The following C10orf90 variants were observed in gnomAD, a reference collection of about 807,000 sequenced individuals.
C10orf90 encodes chromosome 10 open reading frame 90.
In C10orf90, 56 loss-of-function variants were observed where a neutral mutation model predicts 62.5. The observed-to-expected ratio is 0.90, with a 90% CI of 0.72 to 1.12. The LOEUF (loss-of-function observed/expected upper bound fraction) is 1.12, where lower values mean the gene tolerates loss of function less well. Ranked by LOEUF, C10orf90 falls within the 50% of genes most tolerant of loss-of-function variation. C10orf90 has a pLI of 0.00. For synonymous variants in C10orf90, 386 were observed against 340.4 expected (o/e 1.13, Z -1.47); for missense variants, 970 against 880.4 (o/e 1.10, Z -1.29).
At chr10:126,554,270 C>G (rs1864708200) in intron 2 of C10orf90, among the ~76,000 whole-genome samples, 1 of 152,126 alleles carries the variant, frequency 6.6e-6, no homozygotes, top group Non-Finnish European at 1.5e-5. Context: ...AGCCAGACCC[C>G]AGAGCATATA....
chr10:126,472,371 C>T (rs1055674409), intron 4 of C10orf90, among the ~76,000 whole-genome samples: 4 of 152,160 alleles, frequency 2.6e-5, no homozygotes, highest in South Asian at 2.1e-4. Flanking sequence ...CTGGGAGCTA[C>T]GACATATTTC....
At chr10:126,471,456 T>A (rs893214596) in intron 4 of C10orf90, among the ~76,000 whole-genome samples, 2 of 152,200 alleles carry the variant, frequency 1.3e-5, no homozygotes, top group African/African-American at 2.4e-5. Flanking sequence ...TCAGACTGAC[T>A]TGTAAACTGT....
intron 5 of C10orf90, chr10:126,463,431 C>T (rs182827081): frequency 1.3e-5 from 2 of 152,378 alleles, no homozygotes; most frequent in Admixed American, 1.3e-4. Context: ...TATGTCTCTT[C>T]CTCTTCAAAG....
chr10:126,492,996 A>T (rs1180713678), intron 4 of C10orf90, among the ~76,000 whole-genome samples: 2 of 152,206 alleles, frequency 1.3e-5, no homozygotes, highest in African/African-American at 4.8e-5. Flanking sequence ...CTATTTAATA[A>T]GGTTTTTAAA....
intron 3 of C10orf90, 106 bp from the exon 4 acceptor site, chr10:126,505,191 C>T: frequency 8.5e-7 from 1 of 1,180,760 alleles, no homozygotes; most frequent in South Asian, 1.6e-5. Context: ...GTTCATAACA[C>T]TCAGATGTCT....
chr10:126,576,066 A>C (rs1844605170), intron 2 of C10orf90, among the ~76,000 whole-genome samples: 1 of 152,110 alleles, frequency 6.6e-6, no homozygotes, highest in Non-Finnish European at 1.5e-5. Flanking sequence ...GCAAAAATCA[A>C]TAAATGGGAT....
chr10:126,638,768 A>G (rs1391964638), intron 2 of C10orf90, among the ~76,000 whole-genome samples: 1 of 152,114 alleles, frequency 6.6e-6, no homozygotes, highest in Non-Finnish European at 1.5e-5. Flanking sequence ...TTTTTACTAC[A>G]AAGCCTGCCT....
At chr10:126,580,693 C>G (rs1406957868) in intron 2 of C10orf90, among the ~76,000 whole-genome samples, 1 of 151,546 alleles carries the variant, frequency 6.6e-6, no homozygotes, top group African/African-American at 2.4e-5. Flanking sequence ...TGCTTATCCT[C>G]TCCTTCTCCA....
At chr10:126,549,067 C>T (rs1360729256) in intron 2 of C10orf90, among the ~76,000 whole-genome samples, 1 of 151,900 alleles carries the variant, frequency 6.6e-6, no homozygotes, top group African/African-American at 2.4e-5. Flanking sequence ...TATAGAAGAA[C>T]GATTAAAGGA....
chr10:126,610,754 T>C (rs1383489267), intron 2 of C10orf90, among the ~76,000 whole-genome samples: 1 of 152,198 alleles, frequency 6.6e-6, no homozygotes, highest in Admixed American at 6.5e-5. Context: ...TATTTTTATC[T>C]ATAGCTATCA....
At chr10:126,488,654 TCAGGAATAGATTAG>T (rs1861562151) in intron 4 of C10orf90, among the ~76,000 whole-genome samples, 1 of 151,958 alleles carries the variant, frequency 6.6e-6, no homozygotes, top group Non-Finnish European at 1.5e-5. Flanking sequence ...ACTATCATTA[TCAGGAATAGATTAG>T]AGGACATCAC....
At chr10:126,574,748 C>G (rs1387197918) in intron 2 of C10orf90, among the ~76,000 whole-genome samples, 3 of 151,970 alleles carry the variant, frequency 2.0e-5, no homozygotes, top group African/African-American at 4.8e-5. Flanking sequence ...AAAATAAAGT[C>G]TTAGTAAACT....
chr10:126,446,563 G>A (rs1449084999), intron 7 of C10orf90, among the ~76,000 whole-genome samples: 2 of 151,918 alleles, frequency 1.3e-5, no homozygotes, highest in Admixed American at 6.6e-5. Flanking sequence ...GAGAGATAAA[G>A]GCTTTGTCAA....
At chr10:126,607,959 A>G (rs2576015) in intron 2 of C10orf90, among the ~76,000 whole-genome samples, 150,130 of 152,314 alleles carry the variant, frequency 0.99, 74,036 homozygotes, top group Middle Eastern at 1. Flanking sequence ...ATAGAAAGTC[A>G]AATGGTGGTT....
chr10:126,629,835 A>C (rs1267819999), intron 2 of C10orf90, among the ~76,000 whole-genome samples: 1 of 146,344 alleles, frequency 6.8e-6, no homozygotes, highest in African/African-American at 2.5e-5. Flanking sequence ...GGGACAGGCC[A>C]GGCAGAGCAG....
At chr10:126,542,011 A>G (rs140635605) in intron 2 of C10orf90, among the ~76,000 whole-genome samples, 5 of 152,376 alleles carry the variant, frequency 3.3e-5, no homozygotes, top group Non-Finnish European at 7.3e-5. Flanking sequence ...GCCGTGACAC[A>G]TGCTATTACA....
intron 2 of C10orf90, among the ~76,000 whole-genome samples, chr10:126,581,237 C>T (rs1844745318): frequency 6.6e-6 from 1 of 152,148 alleles, no homozygotes; most frequent in African/African-American, 2.4e-5. Flanking sequence ...ATTTTGTTCC[C>T]AAAAGCTCAA....
chr10:126,599,791 A>C (rs759117698), intron 2 of C10orf90, among the ~76,000 whole-genome samples: 1 of 152,210 alleles, frequency 6.6e-6, no homozygotes, highest in Non-Finnish European at 1.5e-5. Flanking sequence ...CTTCATTAAA[A>C]AGAGGAAAGA....
intron 7 of C10orf90, among the ~76,000 whole-genome samples, chr10:126,447,369 A>T (rs1858853654): frequency 6.6e-6 from 1 of 152,194 alleles, no homozygotes; most frequent in African/African-American, 2.4e-5. Flanking sequence ...GAAAACCTAA[A>T]GAGAGCAGAG....
Sources: gnomAD v4.1 joint callset for allele counts (sites outside exome capture counted in the v4.1 genomes callset) on GRCh38, gnomAD v4.1.1 for gene constraint, MANE v1.5 for transcripts, NCBI Gene and HGNC (gene_info 2026-07-23, HGNC 2026-07-21) for gene names.